The following WNT2 variants were observed in gnomAD, a reference collection of about 807,000 sequenced individuals.
The protein encoded by WNT2 is protein Wnt-2.
Under a neutral mutation model 36.9 loss-of-function variants are expected in WNT2, and 12 were observed. The ratio of observed to expected loss-of-function variants is 0.33; its 90% CI spans 0.21 to 0.53. WNT2 has a LOEUF of 0.53. Ranked by LOEUF, WNT2 falls within the 20% of genes least tolerant of loss-of-function variation. The pLI is 0.95. For synonymous variants in WNT2, 163 were observed against 174.6 expected, an observed-to-expected ratio of 0.93 and a Z score of 0.52; for missense variants, 379 against 473.1, an observed-to-expected ratio of 0.80 and a Z score of 1.84.
At chr7:117,313,037 G>A (rs950264363) in intron 3 of WNT2, among the ~76,000 whole-genome samples, 7 of 152,216 alleles carry the variant, frequency 4.6e-5, no homozygotes, top group Non-Finnish European at 1.0e-4. Flanking sequence ...AAAGTGGACT[G>A]ATGTTACCGT....
intron 4 of WNT2, among the ~76,000 whole-genome samples, chr7:117,287,802 A>G (rs952431025): frequency 6.6e-6 from 1 of 152,104 alleles, no homozygotes; most frequent in African/African-American, 2.4e-5. Flanking sequence ...AGCCTGGCCA[A>G]CATGGTGAAA....
chr7:117,314,637 C>T (rs1052326849), intron 3 of WNT2, among the ~76,000 whole-genome samples: 3 of 152,244 alleles, frequency 2.0e-5, no homozygotes, highest in African/African-American at 7.2e-5. Flanking sequence ...AAGAAGCCAA[C>T]AAACCATGCT....
At chr7:117,290,748 G>T (rs908930706) in intron 4 of WNT2, among the ~76,000 whole-genome samples, 1 of 152,194 alleles carries the variant, frequency 6.6e-6, no homozygotes, top group African/African-American at 2.4e-5. Flanking sequence ...CCAGTGCCTG[G>T]CTACTGCTTC....
At chr7:117,310,516 C>T (rs1258404933) in intron 3 of WNT2, among the ~76,000 whole-genome samples, 1 of 146,552 alleles carries the variant, frequency 6.8e-6, no homozygotes, top group African/African-American at 2.6e-5. Context: ...CCAGGAGGTC[C>T]AGGCTCTAGT....
At chr7:117,317,802 G>A (rs1230673316) in intron 2 of WNT2, among the ~76,000 whole-genome samples, 2 of 152,168 alleles carry the variant, frequency 1.3e-5, no homozygotes, top group Non-Finnish European at 1.5e-5. Flanking sequence ...GGGGTAGAGA[G>A]ATTGTTACCT....
Position 117,323,022 on chromosome 7 carries a change from T to A in WNT2, c.-33A>T. The A allele has an allele frequency of 6.3e-7, 1 of 1,575,958 alleles. No homozygotes were observed. Among genetic ancestry groups the A allele is most frequent in the Non-Finnish European group, 8.6e-7 (1 of 1,160,392 alleles). On this transcript the variant is annotated 5_prime_UTR_variant, in exon 1 of 5. Coordinates refer to ENST00000265441, the MANE Select transcript of WNT2 (RefSeq NM_003391.3). ...CCCTTGCGTCTGCATCAGGTCAGAC[T>A]CCGTGTGCGGGCGCCATGCGTGCCC...
At chr7:117,311,617 G>A (rs39308) in intron 3 of WNT2, among the ~76,000 whole-genome samples, 36,014 of 152,112 alleles carry the variant, frequency 0.24, 4,560 homozygotes, top group Non-Finnish European at 0.28. Context: ...TTATTAGTAT[G>A]TTAACTGAAT....
rs780780435 is a variant in WNT2 at position 117,320,555 on chromosome 7, C to T, written c.310+12G>A. On this transcript the variant is annotated intron_variant, in intron 2 of 4. Coordinates refer to ENST00000265441, the MANE Select transcript of WNT2 (RefSeq NM_003391.3). ...GGAGAGCCATAGGGCTGGGTGAAGG[C>T]AGGAGACTTACTTCGGAGTAGGACC... The T allele has an allele frequency of 1.1e-5, 18 of 1,609,614 alleles. No individual in the cohort carries two copies. The highest frequency in any genetic ancestry group is 1.6e-4 in the Middle Eastern group (1 of 6,076).
intron 3 of WNT2, among the ~76,000 whole-genome samples, chr7:117,311,590 A>G (rs1795123600): frequency 6.6e-6 from 1 of 152,246 alleles, no homozygotes; most frequent in South Asian, 2.1e-4. Flanking sequence ...CAATTAAAAA[A>G]TACTATATGC....
chr7:117,300,667 G>C (rs563340676), intron 3 of WNT2, among the ~76,000 whole-genome samples: 13 of 152,316 alleles, frequency 8.5e-5, no homozygotes, highest in African/African-American at 2.9e-4. Flanking sequence ...GGAGGTGGTG[G>C]CACGTGCCTA....
Position 117,278,161 on chromosome 7 carries a change from A to G in WNT2, c.1077T>C (p.Ala359=), listed in dbSNP as rs1584672311. The G allele has an allele frequency of 6.2e-7, 1 of 1,614,244 alleles. No individual in the cohort carries two copies. Among genetic ancestry groups the G allele is most frequent in the Non-Finnish European group, 8.5e-7 (1 of 1,180,030 alleles). ...ATGGTGACGCCTGCTGGGGTCATGT[A>G]GCGGTTGTCCAGTCAGCGTTCTTGG... ...KAPKNADWTT[A]T is the part of the protein sequence containing the mutation. The change falls in exon 5 of 5, where the codon GCT becomes GCC. Residue 359 remains alanine (A), a synonymous_variant. Transcript: ENST00000265441.
intron 4 of WNT2, among the ~76,000 whole-genome samples, chr7:117,278,894 G>A (rs1252849279): frequency 6.6e-6 from 1 of 152,186 alleles, no homozygotes; most frequent in East Asian, 1.9e-4. Flanking sequence ...TGGCTTATGA[G>A]AAAGGGAATA....
intron 3 of WNT2, 43 bp from the exon 4 acceptor site, chr7:117,297,919 G>A (rs987532644): frequency 1.1e-5 from 17 of 1,570,084 alleles, no homozygotes; most frequent in Non-Finnish European, 1.4e-5. Context: ...GTTCGAGCAG[G>A]TGACACATGC....
intron 4 of WNT2, among the ~76,000 whole-genome samples, chr7:117,297,225 C>T (rs1794807867): frequency 6.6e-6 from 1 of 152,116 alleles, no homozygotes; most frequent in African/African-American, 2.4e-5. Flanking sequence ...GCTCTCTGTG[C>T]AGTTTCTTTT....
rs781505972 is a variant in WNT2, at chr7:117,278,356, G to A, written c.882C>T (p.Cys294=). Residue 294 remains cysteine (C), a synonymous_variant, in exon 5 of 5, where the codon TGC becomes TGT. Coordinates refer to ENST00000265441, the MANE Select transcript of WNT2 (RefSeq NM_003391.3). ...AGSLGTAGRV[C]NLTSRGMDSC... ...TGTCCATGCCCCGGGAAGTCAGGTT[G>A]CACACACGGCCTGCTGTACCCAGGG... The A allele has an allele frequency of 6.2e-7, 1 of 1,613,976 alleles. No individual in the cohort carries two copies. Among genetic ancestry groups the A allele is most frequent in the East Asian group, 2.2e-5 (1 of 44,844 alleles).
chr7:117,316,938 A>T (rs1327014387), intron 2 of WNT2, among the ~76,000 whole-genome samples: 1 of 152,220 alleles, frequency 6.6e-6, no homozygotes, highest in African/African-American at 2.4e-5. Context: ...TGCTAATGTG[A>T]CTTAATCTCA....
At chr7:117,279,158 C>T (rs955376619) in intron 4 of WNT2, among the ~76,000 whole-genome samples, 14 of 152,206 alleles carry the variant, frequency 9.2e-5, no homozygotes, top group African/African-American at 3.4e-4. Context: ...AAATGGCAAT[C>T]CATATTTAAG....
intron 3 of WNT2, among the ~76,000 whole-genome samples, chr7:117,298,294 T>C (rs537420243): frequency 6.6e-6 from 1 of 152,188 alleles, no homozygotes; most frequent in Non-Finnish European, 1.5e-5. Context: ...TTATGCAAAT[T>C]AAATTAACAA....
chr7:117,309,453 T>C (rs766706992), intron 3 of WNT2, among the ~76,000 whole-genome samples: 1 of 152,156 alleles, frequency 6.6e-6, no homozygotes, highest in Non-Finnish European at 1.5e-5. Flanking sequence ...AGCTTCTCCA[T>C]AGAAAATACA....
Sources: allele counts gnomAD v4.1 joint callset (sites outside exome capture counted in the v4.1 genomes callset), GRCh38; gene constraint gnomAD v4.1.1; transcripts MANE v1.5; gene names NCBI Gene and HGNC (gene_info 2026-07-23, HGNC 2026-07-21).